The following IRF7 variants were observed in gnomAD, a reference collection of about 807,000 sequenced individuals.
The protein encoded by IRF7 is interferon regulatory factor 7.
IRF7 carries 67 observed loss-of-function variants against 51.3 expected under a neutral mutation model. The observed-to-expected ratio is 1.31, with a 90% CI of 1.07 to 1.60. The LOEUF (loss-of-function observed/expected upper bound fraction) is 1.60, where lower values mean the gene tolerates loss of function less well. Ranked by LOEUF, IRF7 falls within the 40% of genes most tolerant of loss-of-function variation. IRF7 has a pLI of 0.00. For missense variants in IRF7, 873 were observed against 701.5 expected (o/e 1.24, Z -2.76); for synonymous variants, 427 against 301.3 (o/e 1.42, Z -4.32).
rs996454184 is a variant in IRF7, at chr11:614,123, C to G, written c.679+51G>C. ...CCAGCCCCCTTCTAAAGTGTCCGTC[C>G]AGGTGCACTGGCCCCTCCCGCGCTC... On this transcript the variant is annotated intron_variant, in intron 6 of 10. Transcript: ENST00000525445. The G allele has an allele frequency of 5.0e-6, 8 of 1,588,404 alleles. No individual in the cohort carries two copies. The Admixed American group carries it at 1.4e-4, about 27-fold the overall frequency.
In IRF7 at chr11:613,587, G is replaced by C. The variant is rs1180130455; in HGVS notation, c.856C>G (p.Pro286Ala). The change falls in exon 9 of 11, where the codon CCA becomes GCA. Residue 286 changes from proline to alanine, a missense_variant. Transcript: ENST00000525445. ...SACTAVQEPS[P>A]GALDVTIMYK... is the part of the protein sequence containing the mutation. ...ATGATGGTCACGTCCAGCGCCCCTGGGCTGGGCTCTGTGTGGAGACCAAGC... is the reference window on the plus strand; with the variant it reads ...ATGATGGTCACGTCCAGCGCCCCTGCGCTGGGCTCTGTGTGGAGACCAAGC... The C allele has an allele frequency of 1.3e-6, 2 of 1,560,706 alleles. No homozygotes were observed. The highest frequency in any genetic ancestry group is 1.7e-6 in the Non-Finnish European group (2 of 1,157,782).
chr11:613,347 G>A lies in IRF7; in HGVS notation c.1096C>T (p.Leu366=). 1 of 1,611,502 alleles carries A rather than the reference G, an allele frequency of 6.2e-7. No individual in the cohort carries two copies. Among genetic ancestry groups the A allele is most frequent in the Non-Finnish European group, 8.5e-7 (1 of 1,179,510 alleles). The change falls in exon 9 of 11, where the codon CTG becomes TTG. Residue 366 remains leucine, a synonymous_variant. Transcript: ENST00000525445. ...CACTTGCCCATGCGCCGGGCCCACA[G>A]CTGTGGCCCCCGAAGCTCCAGGTGC... is the stretch of plus-strand genomic sequence containing the variant. ...GLHLELRGPQ[L]WARRMGKCKV... is the part of the protein sequence containing the mutation.
At chr11:615,836 AC>A (rs1564887119) in intron 1 of IRF7, 76 bp downstream of exon 1, 1 of 158,218 alleles carries the variant, frequency 6.3e-6, no homozygotes, top group East Asian at 1.9e-4. Flanking sequence ...TCTTGGCTCT[AC>A]CCCTCCGGGG....
At position 613,977 on chromosome 11, in the gene IRF7, CCGGGGCTGGGGGT is replaced by C. The variant is rs1034385510; in HGVS notation, c.727_739del (p.Thr243GlyfsTer7). The C allele has an allele frequency of 6.2e-6, 10 of 1,606,664 alleles. No homozygotes were observed. Among genetic ancestry groups the C allele is most frequent in the Middle Eastern group, 1.7e-4 (1 of 6,050 alleles). On this transcript the variant is annotated frameshift_variant, in exon 7 of 11. Coordinates refer to ENST00000525445, the MANE Select transcript of IRF7 (RefSeq NM_001572.5). LOFTEE classifies it high-confidence loss of function. Reference sequence around the variant, plus strand: ...TGTCGTTAGTGCCGCGGGCTGGGGCCCGGGGCTGGGGGTCGTCTCTACTGCCCACCCGTACAGC... The same window carrying C: ...TGTCGTTAGTGCCGCGGGCTGGGGCCCGTCTCTACTGCCCACCCGTACAGC...
Position 614,979 on chromosome 11 carries a change from GGCCACCTGCC to G in IRF7, c.202_211del (p.Gly68ArgfsTer36), listed in dbSNP as rs781702771. 6.5e-7 allele frequency: 1 copy of G among 1,549,212 alleles called. No homozygotes were observed. The highest frequency in any genetic ancestry group is 8.7e-7 in the Non-Finnish European group (1 of 1,152,642). ...CGGGCCACCTCCCCTGCTGCTAGGC[GGCCACCTGCC>G]GCGGGCCACAGCCCAGGCCTGAAGA... On this transcript the variant is annotated frameshift_variant, in exon 4 of 11. Coordinates refer to ENST00000525445, the MANE Select transcript of IRF7 (RefSeq NM_001572.5). LOFTEE classifies it high-confidence loss of function.
intron 3 of IRF7, 43 bp downstream of exon 3, chr11:615,054 G>C (rs1156523535): frequency 6.4e-7 from 1 of 1,558,678 alleles, no homozygotes; most frequent in Admixed American, 1.8e-5. Flanking sequence ...GGGGTCCTAG[G>C]CGGGCTCTCC....
In IRF7 at chr11:615,241, C is replaced by T. The variant is rs1475922395; in HGVS notation, c.39G>A (p.Leu13=). The change falls in exon 3 of 11, where the codon CTG becomes CTA. Residue 13 remains leucine (L), a synonymous_variant. Transcript: ENST00000525445. ...LAPERAAPRV[L]FGEWLLGEIS... The stretch of plus-strand genomic sequence containing the variant: ...TCTCTCCAAGGAGCCACTCTCCGAA[C>T]AGCACGCGTGGGGCTGCCCTGCGGG... 6 of 1,588,056 alleles carry T rather than the reference C, an allele frequency of 3.8e-6. No individual in the cohort carries two copies. Among genetic ancestry groups the T allele is most frequent in the Middle Eastern group, 3.3e-4 (2 of 6,032 alleles).
chr11:613,660 G>A (rs1443537352), intron 8 of IRF7, 65 bp from the exon 9 acceptor site: 3 of 836,784 alleles, frequency 3.6e-6, no homozygotes, highest in Non-Finnish European at 4.8e-6. Flanking sequence ...GACGGGGGTG[G>A]GCGGGGACAG....
rs1344782892 is a variant in IRF7, at chr11:614,194, A to G, written c.659T>C (p.Leu220Pro). 6.2e-7 allele frequency: 1 copy of G among 1,612,324 alleles called. No homozygotes were observed. Among genetic ancestry groups the G allele is most frequent in the Admixed American group, 1.7e-5 (1 of 59,982 alleles). ...CACACCTCCAGCACAGGCCCCAGTC[A>G]GGGGAAGCCCTTCTTGTCCCTCTCC... is the stretch of plus-strand genomic sequence containing the variant. ...APGEGQEGLPLTGACAGGPGL... is the reference protein window; with the variant it reads ...APGEGQEGLPPTGACAGGPGL... Residue 220 changes from leucine to proline, a missense_variant, in exon 6 of 11, where the codon CTG (leucine) becomes CCG (proline). Leu to Pro is a moderately conservative substitution (Grantham distance 98). Coordinates refer to ENST00000525445, the MANE Select transcript of IRF7 (RefSeq NM_001572.5).
intron 6 of IRF7, 41 bp from the exon 7 acceptor site, chr11:614,078 A>G: frequency 1.3e-6 from 2 of 1,585,912 alleles, no homozygotes; most frequent in Non-Finnish European, 1.7e-6. Context: ...TCCCCTCCTA[A>G]TTCTCCAGCT....
In IRF7 at chr11:615,116, G is replaced by A; in HGVS notation, c.164C>T (p.Ala55Val). ...CCCCACCTTGAAGATGCGCGCGTCG[G>A]CCTCGCTCAGGTCCTTGCGCGCGAA... ...KHFARKDLSE[A>V]DARIFKAWAV... The change falls in exon 3 of 11, where the codon GCC becomes GTC. Residue 55 changes from alanine to valine, a missense_variant. By Grantham distance (64) the Ala-to-Val change is moderately conservative. Coordinates refer to ENST00000525445, the MANE Select transcript of IRF7 (RefSeq NM_001572.5). 1 of 1,596,644 alleles carries A rather than the reference G, an allele frequency of 6.3e-7. No individual in the cohort carries two copies. The highest frequency in any genetic ancestry group is 8.5e-7 in the Non-Finnish European group (1 of 1,176,868).
In IRF7 at chr11:613,250, C is replaced by G. The variant is rs768248464; in HGVS notation, c.1193G>C (p.Arg398Pro). 1 of 1,597,540 alleles carries G rather than the reference C, an allele frequency of 6.3e-7. No homozygotes were observed. The highest frequency in any genetic ancestry group is 8.5e-7 in the Non-Finnish European group (1 of 1,172,740). ...SPSTPACLLPRNCDTPIFDFR... is the reference protein window; with the variant it reads ...SPSTPACLLPPNCDTPIFDFR... ...GTCGAAGATGGGGGTGTCACAGTTCCGAGGCAGCAGGCAGGCTGGGGTGGA... is the reference window on the plus strand; with the variant it reads ...GTCGAAGATGGGGGTGTCACAGTTCGGAGGCAGCAGGCAGGCTGGGGTGGA... Residue 398 changes from arginine (R) to proline (P), a missense_variant, in exon 9 of 11, where the codon CGG becomes CCG. By Grantham distance (103) the Arg-to-Pro change is moderately radical. Coordinates refer to ENST00000525445, the MANE Select transcript of IRF7 (RefSeq NM_001572.5).
chr11:615,779 C>T, intron 1 of IRF7, 132 bp from the exon 2 acceptor site: 1 of 213,896 alleles, frequency 4.7e-6, no homozygotes, highest in Non-Finnish European at 9.3e-6. Flanking sequence ...CCGCCTCCGC[C>T]TCCGCCTCCC....
chr11:615,882 C>G (rs1336592449), intron 1 of IRF7, 31 bp downstream of exon 1: 2 of 154,994 alleles, frequency 1.3e-5, no homozygotes, highest in Non-Finnish European at 2.9e-5. Context: ...CGCTCCCGGC[C>G]TGCACCGCGT....
chr11:614,881 G>T lies in IRF7; in HGVS notation c.310C>A (p.Arg104Ser). The stretch of plus-strand genomic sequence containing the variant: ...GAGTTATCCCGCAGCATCACGAAGC[G>T]ACGCGTGCTGCGCAGTGCGCAGCGG... ...NFRCALRSTR[R>S]FVMLRDNSGD... The change falls in exon 4 of 11, where the codon CGC becomes AGC. Residue 104 changes from arginine to serine, a missense_variant. Transcript: ENST00000525445. The T allele has an allele frequency of 6.3e-7, 1 of 1,582,968 alleles. No homozygotes were observed. Among genetic ancestry groups the T allele is most frequent in the Non-Finnish European group, 8.6e-7 (1 of 1,166,748 alleles).
Position 614,219 on chromosome 11 carries a change from C to T in IRF7, c.634G>A (p.Gly212Arg), listed in dbSNP as rs769280074. 2.5e-6 allele frequency: 4 copies of T among 1,613,084 alleles called. No individual in the cohort carries two copies. The highest frequency in any genetic ancestry group is 1.1e-5 in the South Asian group (1 of 91,062). Residue 212 changes from glycine to arginine, a missense_variant, in exon 6 of 11, where the codon GGA becomes AGA. Transcript: ENST00000525445. ...GADPVPTKAP[G>R]EGQEGLPLTG... Reference sequence around the variant, plus strand: ...AGGGGAAGCCCTTCTTGTCCCTCTCCAGGAGCCTTGGTTGGGACTGGATCT... The same window carrying T: ...AGGGGAAGCCCTTCTTGTCCCTCTCTAGGAGCCTTGGTTGGGACTGGATCT...
chr11:614,524 G>GC lies in IRF7; in HGVS notation c.404dup (p.Thr136HisfsTer5). ...GGGCCTCTGCCTCAGTCTGGTCCGT[G>GC]CCTGGGCCTTCTGAGAGAGAATGGG... On this transcript the variant is annotated frameshift_variant, in exon 5 of 11. Transcript: ENST00000525445. LOFTEE classifies it high-confidence loss of function. 1.9e-6 allele frequency: 3 copies of GC among 1,554,584 alleles called. No homozygotes were observed. Among genetic ancestry groups the GC allele is most frequent in the Non-Finnish European group, 2.6e-6 (3 of 1,148,760 alleles).
rs576761308 is a variant in IRF7 at position 614,875 on chromosome 11, C to T, written c.316G>A (p.Val106Met). 3.6e-5 allele frequency: 57 copies of T among 1,578,504 alleles called. No individual in the cohort carries two copies. Among genetic ancestry groups the T allele is most frequent in the Non-Finnish European group, 4.8e-5 (56 of 1,164,166 alleles). The change falls in exon 4 of 11, where the codon GTG becomes ATG. Residue 106 changes from valine (V) to methionine (M), a missense_variant. Val to Met is a conservative substitution (Grantham distance 21). Transcript: ENST00000525445. ...RCALRSTRRF[V>M]MLRDNSGDPA... The stretch of plus-strand genomic sequence containing the variant: ...TCCCCCGAGTTATCCCGCAGCATCA[C>T]GAAGCGACGCGTGCTGCGCAGTGCG...
At chr11:615,750 T>C (rs1202540391) in intron 1 of IRF7, 103 bp from the exon 2 acceptor site, 4 of 257,814 alleles carry the variant, frequency 1.6e-5, no homozygotes, top group Non-Finnish European at 2.2e-5. Context: ...CCCCGTCCGG[T>C]TCTCAGCTCC....
Sources: allele counts gnomAD v4.1 joint callset, GRCh38; gene constraint gnomAD v4.1.1; transcripts MANE v1.5; gene names NCBI Gene and HGNC (gene_info 2026-07-23, HGNC 2026-07-21).